The following PIK3C2G variants were observed in gnomAD, a reference collection of about 807,000 sequenced individuals.
PIK3C2G encodes phosphatidylinositol-4-phosphate 3-kinase catalytic subunit type 2 gamma, also known as phosphatidylinositol 3-kinase C2 domain-containing subunit gamma.
A neutral mutation model predicts 181.1 loss-of-function variants in PIK3C2G; 168 were observed. The observed-to-expected ratio is 0.93, with a 90% CI of 0.82 to 1.05. The LOEUF is 1.05. Ranked by LOEUF, PIK3C2G falls within the 50% of genes least tolerant of loss-of-function variation. PIK3C2G has a pLI of 0.00. For synonymous variants in PIK3C2G, 573 were observed against 592.2 expected (o/e 0.97, Z 0.47); for missense variants, 1,869 against 1,732.8 (o/e 1.08, Z -1.40).
intron 11 of PIK3C2G, among the ~76,000 whole-genome samples, chr12:18,347,349 G>A (rs12306530): frequency 5.3e-5 from 8 of 152,036 alleles, no homozygotes; most frequent in African/African-American, 1.9e-4. Flanking sequence ...AATTACACAT[G>A]GAATATCATC....
chr12:18,450,632 G>T (rs1421432366), intron 18 of PIK3C2G, among the ~76,000 whole-genome samples: 1 of 152,112 alleles, frequency 6.6e-6, no homozygotes, highest in African/African-American at 2.4e-5. Context: ...TGCTTTTGGT[G>T]TTTTAGTCAT....
intron 18 of PIK3C2G, among the ~76,000 whole-genome samples, chr12:18,445,944 G>A (rs1250850816): frequency 6.6e-6 from 1 of 152,122 alleles, no homozygotes. Flanking sequence ...GGGAAAATGG[G>A]CACAGAGAGA....
intron 9 of PIK3C2G, among the ~76,000 whole-genome samples, chr12:18,341,070 A>G (rs558904581): frequency 6.6e-6 from 1 of 152,318 alleles, no homozygotes; most frequent in East Asian, 1.9e-4. Context: ...TTTTATGTCC[A>G]GTTCTTAACG....
At chr12:18,520,724 T>TC (rs1942859043) in intron 24 of PIK3C2G, among the ~76,000 whole-genome samples, 1 of 152,168 alleles carries the variant, frequency 6.6e-6, no homozygotes, top group South Asian at 2.1e-4. Context: ...TGTCAATTTT[T>TC]CCATCTCATC....
intron 1 of PIK3C2G, among the ~76,000 whole-genome samples, chr12:18,277,282 T>C (rs1949023369): frequency 6.6e-6 from 1 of 152,132 alleles, no homozygotes; most frequent in Non-Finnish European, 1.5e-5. Flanking sequence ...ATGTAATACA[T>C]ACACTTGGCT....
chr12:18,726,650 A>T, the PIK3C2G span, among the ~76,000 whole-genome samples: 1 of 152,092 alleles, frequency 6.6e-6, no homozygotes, highest in Non-Finnish European at 1.5e-5. Flanking sequence ...ACCATTTTCC[A>T]TTTCCAATGC....
rs1948807659 is a variant in PIK3C2G at position 18,620,523 on chromosome 12, C to CAAACAGAT, written c.4182+10895_4182+10896insAACAGATA. On this transcript the variant is annotated intron_variant, in intron 31 of 32. Transcript: ENST00000538779. ...TATGACAGATAGATAAATGATTAGA[C>CAAACAGAT]AGACAGATAGATAGATAGATAGATA... 2.3e-5 allele frequency among the ~76,000 whole-genome samples: 3 copies of CAAACAGAT among 127,956 alleles called. 1 individual carries two copies. In the Admixed American group the frequency reaches 2.5e-4, roughly 11 times the overall value. 83.9% of individuals were successfully genotyped at this position (127,956 alleles called of 152,430 possible).
At chr12:18,598,063 G>T (rs977229547) in intron 30 of PIK3C2G, among the ~76,000 whole-genome samples, 4 of 152,116 alleles carry the variant, frequency 2.6e-5, no homozygotes, top group African/African-American at 9.7e-5. Context: ...CATGAAAATG[G>T]CCATACTGCC....
intron 13 of PIK3C2G, among the ~76,000 whole-genome samples, chr12:18,373,107 C>A (rs192294095): frequency 6.6e-6 from 1 of 152,220 alleles, no homozygotes; most frequent in African/African-American, 2.4e-5. Context: ...TTTAAGAAAC[C>A]AGAAATATGT....
At chr12:18,712,125 C>A in the PIK3C2G span, among the ~76,000 whole-genome samples, 3 of 152,146 alleles carry the variant, frequency 2.0e-5, no homozygotes. Flanking sequence ...TTCTTTTAGT[C>A]ATTTTGATTG....
At chr12:18,284,779 G>A (rs921409866) in intron 2 of PIK3C2G, among the ~76,000 whole-genome samples, 1 of 151,880 alleles carries the variant, frequency 6.6e-6, no homozygotes, top group Admixed American at 6.6e-5. Flanking sequence ...GGAAAGAACA[G>A]GGGAAAAAAT....
chr12:18,633,868 T>C (rs1257236205), intron 31 of PIK3C2G, among the ~76,000 whole-genome samples: 3 of 152,196 alleles, frequency 2.0e-5, no homozygotes, highest in Non-Finnish European at 4.4e-5. Flanking sequence ...AACTAAGATC[T>C]CTAGGCTGGT....
chr12:18,282,566 A>C lies in PIK3C2G; in HGVS notation c.485A>C (p.Asn162Thr). Reference sequence around the variant, plus strand: ...ATTAATCTAGAGAAAGAATTAGAAAATGAAAATCATAACTACCATATAGGA... The same window carrying C: ...ATTAATCTAGAGAAAGAATTAGAAACTGAAAATCATAACTACCATATAGGA... ...DKINLEKELENENHNYHIGFE... is the reference protein window; with the variant it reads ...DKINLEKELETENHNYHIGFE... The change falls in exon 2 of 33, where the codon AAT becomes ACT. Residue 162 changes from asparagine (N) to threonine (T), a missense_variant. Transcript: ENST00000538779. The C allele has an allele frequency of 6.2e-7, 1 of 1,612,120 alleles. No individual in the cohort carries two copies. Among genetic ancestry groups the C allele is most frequent in the South Asian group, 1.1e-5 (1 of 91,028 alleles).
chr12:18,253,538 TTAGA>T (rs948970568), intron 1 of PIK3C2G, among the ~76,000 whole-genome samples: 10 of 152,308 alleles, frequency 6.6e-5, no homozygotes, highest in African/African-American at 1.7e-4. Context: ...CAAGATTTGT[TTAGA>T]TAAAGACCAA....
chr12:18,529,607 T>C (rs1285792758), intron 24 of PIK3C2G, among the ~76,000 whole-genome samples: 2 of 152,218 alleles, frequency 1.3e-5, no homozygotes, highest in Non-Finnish European at 2.9e-5. Flanking sequence ...ACATCATTCA[T>C]TTTTTGAGTA....
chr12:18,720,860 A>T, the PIK3C2G span, among the ~76,000 whole-genome samples: 11 of 152,138 alleles, frequency 7.2e-5, no homozygotes, highest in African/African-American at 2.7e-4. Flanking sequence ...CTAAGCAGCC[A>T]TTAAGAATAA....
the PIK3C2G span, chr12:18,693,140 C>T: frequency 3.3e-6 from 5 of 1,515,098 alleles, no homozygotes; most frequent in African/African-American, 6.9e-5. Context: ...ACAATCATGC[C>T]ATCGTGTCTA....
At chr12:18,271,907 T>A (rs1219820918) in intron 1 of PIK3C2G, among the ~76,000 whole-genome samples, 1 of 152,112 alleles carries the variant, frequency 6.6e-6, no homozygotes, top group Non-Finnish European at 1.5e-5. Context: ...TATTAGCAAC[T>A]ACACAAAATA....
At chr12:18,642,887 G>A (rs1342803121) in intron 32 of PIK3C2G, among the ~76,000 whole-genome samples, 1 of 150,976 alleles carries the variant, frequency 6.6e-6, no homozygotes, top group African/African-American at 2.4e-5. Context: ...CTCTAAACTG[G>A]TAAGGAAAAA....
Sources: gnomAD v4.1 joint callset for allele counts (sites outside exome capture counted in the v4.1 genomes callset) on GRCh38, gnomAD v4.1.1 for gene constraint, MANE v1.5 for transcripts, NCBI Gene and HGNC (gene_info 2026-07-23, HGNC 2026-07-21) for gene names.